PGCKA1: variants seen among roughly 807,000 people sequenced by gnomAD.
PGCKA1 encodes PDCD10 and GCKIII kinases-associated protein 1.
At chr4:37,494,014 T>C in the PGCKA1 span, among the ~76,000 whole-genome samples, 2 of 152,212 alleles carry the variant, frequency 1.3e-5, no homozygotes, top group Non-Finnish European at 2.9e-5. Flanking sequence ...ATAGCTGTTG[T>C]GAATAGTGCT....
chr4:37,480,263 C>T, the PGCKA1 span, among the ~76,000 whole-genome samples: 11 of 152,298 alleles, frequency 7.2e-5, no homozygotes, highest in African/African-American at 1.4e-4. Context: ...GAGGCCAAGG[C>T]GGGTGGATCA....
chr4:37,477,644 A>G, the PGCKA1 span, among the ~76,000 whole-genome samples: 3 of 152,216 alleles, frequency 2.0e-5, no homozygotes, highest in South Asian at 2.1e-4. Flanking sequence ...GTTTTTAGAC[A>G]AGAGATCAAT....
the PGCKA1 span, among the ~76,000 whole-genome samples, chr4:37,485,537 C>T: frequency 6.6e-6 from 1 of 152,118 alleles, no homozygotes; most frequent in East Asian, 1.9e-4. Context: ...TCCCAGCCTC[C>T]AGAACTTTAA....
chr4:37,507,539 C>CA, the PGCKA1 span, among the ~76,000 whole-genome samples: 4 of 152,204 alleles, frequency 2.6e-5, 1 homozygote, highest in South Asian at 8.3e-4. Context: ...AACAAACTAA[C>CA]AAAAAGAAAA....
the PGCKA1 span, among the ~76,000 whole-genome samples, chr4:37,525,214 T>C: frequency 6.6e-6 from 1 of 152,208 alleles, no homozygotes; most frequent in South Asian, 2.1e-4. Context: ...TTCATTTTTA[T>C]AGCAACCTGG....
the PGCKA1 span, among the ~76,000 whole-genome samples, chr4:37,547,383 TTGTGGTGTGCA>T: frequency 6.6e-6 from 1 of 152,200 alleles, no homozygotes; most frequent in East Asian, 1.9e-4. Flanking sequence ...GTTTTTTGTT[TTGTGGTGTGCA>T]TGTGGTGTGA....
chr4:37,509,612 G>A, the PGCKA1 span, among the ~76,000 whole-genome samples: 1 of 151,654 alleles, frequency 6.6e-6, no homozygotes, highest in Admixed American at 6.6e-5. Flanking sequence ...CAAAGCAGGC[G>A]GCTGGGAGGT....
the PGCKA1 span, among the ~76,000 whole-genome samples, chr4:37,571,354 C>A: frequency 9.9e-5 from 9 of 90,696 alleles, no homozygotes; most frequent in African/African-American, 3.3e-4. Flanking sequence ...AGACTATTAT[C>A]CTTTTTTTTT....
At chr4:37,471,912 C>CT in the PGCKA1 span, among the ~76,000 whole-genome samples, 1 of 152,184 alleles carries the variant, frequency 6.6e-6, no homozygotes, top group Admixed American at 6.5e-5. Flanking sequence ...TTGAGCCTGT[C>CT]TTAACCTCTG....
At chr4:37,542,082 C>T in the PGCKA1 span, among the ~76,000 whole-genome samples, 3 of 152,068 alleles carry the variant, frequency 2.0e-5, no homozygotes, top group Non-Finnish European at 4.4e-5. Flanking sequence ...TTGGACAGGC[C>T]GGGTCTCAGA....
At chr4:37,522,470 G>A in the PGCKA1 span, among the ~76,000 whole-genome samples, 34 of 152,010 alleles carry the variant, frequency 2.2e-4, no homozygotes, top group East Asian at 3.9e-4. Flanking sequence ...CTCATCCTTC[G>A]GGAAAGTGGA....
At chr4:37,504,488 G>A in the PGCKA1 span, among the ~76,000 whole-genome samples, 11 of 151,944 alleles carry the variant, frequency 7.2e-5, no homozygotes, top group African/African-American at 2.4e-4. Context: ...TTTTGATAAG[G>A]ATTGCATTGA....
the PGCKA1 span, among the ~76,000 whole-genome samples, chr4:37,468,561 G>T: frequency 1.3e-5 from 2 of 152,144 alleles, no homozygotes; most frequent in Non-Finnish European, 2.9e-5. Context: ...TTGGCATCTG[G>T]TGTTCATCGT....
chr4:37,463,552 C>T, the PGCKA1 span, among the ~76,000 whole-genome samples: 3 of 152,152 alleles, frequency 2.0e-5, no homozygotes, highest in South Asian at 6.2e-4. Context: ...CCTGATCCCC[C>T]TGCTGTAAAA....
At chr4:37,549,226 G>A in the PGCKA1 span, among the ~76,000 whole-genome samples, 15 of 152,220 alleles carry the variant, frequency 9.9e-5, no homozygotes, top group Non-Finnish European at 1.5e-4. Flanking sequence ...ATCCCCAAGC[G>A]GATGCGTGGT....
the PGCKA1 span, among the ~76,000 whole-genome samples, chr4:37,462,854 G>A: frequency 6.6e-6 from 1 of 151,342 alleles, no homozygotes; most frequent in Non-Finnish European, 1.5e-5. Flanking sequence ...AAATTAGCCG[G>A]GCTTGGTGGC....
At chr4:37,503,159 G>T in the PGCKA1 span, among the ~76,000 whole-genome samples, 6 of 152,140 alleles carry the variant, frequency 3.9e-5, no homozygotes, top group Non-Finnish European at 7.4e-5. Context: ...TGGCCAAGGG[G>T]TCTCCTCCTG....
At chr4:37,520,480 C>A in the PGCKA1 span, among the ~76,000 whole-genome samples, 6 of 152,082 alleles carry the variant, frequency 3.9e-5, 1 homozygote, top group Non-Finnish European at 8.8e-5. Context: ...ATGGTTCACT[C>A]TTGGTAGATT....
At chr4:37,455,502 G>C in the PGCKA1 span, among the ~76,000 whole-genome samples, 1 of 152,160 alleles carries the variant, frequency 6.6e-6, no homozygotes, top group African/African-American at 2.4e-5. Context: ...CCCATTCTGT[G>C]TCTATCCTCT....
Sources: gnomAD v4.1 joint callset for allele counts (sites outside exome capture counted in the v4.1 genomes callset) on GRCh38, gnomAD v4.1.1 for gene constraint, MANE v1.5 for transcripts, NCBI Gene and HGNC (gene_info 2026-07-23, HGNC 2026-07-21) for gene names.